The following KCNH8 variants were observed in gnomAD, a reference collection of about 807,000 sequenced individuals.
KCNH8 encodes potassium voltage-gated channel subfamily H member 8.
Under a neutral mutation model 103.6 loss-of-function variants are expected in KCNH8, and 70 were observed. The observed-to-expected ratio is 0.68, with a 90% CI of 0.56 to 0.82. KCNH8 has a LOEUF of 0.82. KCNH8 is among the 40% of genes least tolerant of loss of function. KCNH8 has a pLI of 0.00. For synonymous variants in KCNH8, 498 were observed against 489.4 expected, an observed-to-expected ratio of 1.02 and a Z score of -0.23; for missense variants, 1,217 against 1,329.9, an observed-to-expected ratio of 0.92 and a Z score of 1.32.
chr3:19,233,841 T>A (rs940389178), intron 1 of KCNH8, among the ~76,000 whole-genome samples: 1 of 152,030 alleles, frequency 6.6e-6, no homozygotes, highest in African/African-American at 2.4e-5. Flanking sequence ...GTTTGTTCCT[T>A]CTGATGTTCG....
chr3:19,182,877 A>T (rs1049674361), intron 1 of KCNH8, among the ~76,000 whole-genome samples: 1 of 152,230 alleles, frequency 6.6e-6, no homozygotes, highest in Non-Finnish European at 1.5e-5. Context: ...ATATTGAGAA[A>T]AAAATAGTTG....
chr3:19,392,953 C>G (rs140217087), intron 6 of KCNH8, among the ~76,000 whole-genome samples: 76 of 152,040 alleles, frequency 5.0e-4, no homozygotes, highest in African/African-American at 1.8e-3. Context: ...ACTGAAAATG[C>G]AACATATCTA....
chr3:19,151,225 C>T (rs2063126145), intron 1 of KCNH8, among the ~76,000 whole-genome samples: 1 of 151,882 alleles, frequency 6.6e-6, no homozygotes, highest in Admixed American at 6.6e-5. Flanking sequence ...TATGATAATC[C>T]TTACTTCTAT....
chr3:19,265,781 T>C (rs1471303378), intron 2 of KCNH8, among the ~76,000 whole-genome samples: 1 of 152,090 alleles, frequency 6.6e-6, no homozygotes, highest in Non-Finnish European at 1.5e-5. Flanking sequence ...TTACACATGC[T>C]TAAACTATAC....
intron 5 of KCNH8, among the ~76,000 whole-genome samples, chr3:19,374,032 C>T (rs935519508): frequency 2.6e-4 from 39 of 152,004 alleles, no homozygotes; most frequent in East Asian, 2.5e-3. Context: ...CTTCCAAGTA[C>T]GTGGTCAATT....
intron 1 of KCNH8, among the ~76,000 whole-genome samples, chr3:19,171,876 T>C (rs1163735295): frequency 1.3e-5 from 2 of 152,238 alleles, no homozygotes; most frequent in African/African-American, 4.8e-5. Context: ...GTTGGTTTTT[T>C]CTGCTTACTT....
At chr3:19,421,130 T>C (rs1207842748) in intron 7 of KCNH8, among the ~76,000 whole-genome samples, 1 of 152,200 alleles carries the variant, frequency 6.6e-6, no homozygotes, top group Non-Finnish European at 1.5e-5. Context: ...ACAACTACTT[T>C]TTATTCTTTA....
At chr3:19,320,648 G>A (rs1026360102) in intron 3 of KCNH8, among the ~76,000 whole-genome samples, 4 of 151,440 alleles carry the variant, frequency 2.6e-5, no homozygotes, top group African/African-American at 9.7e-5. Context: ...TTCTTTTTTT[G>A]TTATGCCCTT....
intron 7 of KCNH8, among the ~76,000 whole-genome samples, chr3:19,431,445 C>CTT (rs139524345): frequency 0.039 from 5,867 of 152,082 alleles, 282 homozygotes; most frequent in East Asian, 0.25. Flanking sequence ...TTGAAGTTTC[C>CTT]TCTTTGTTTT....
At chr3:19,189,576 C>T (rs1026878470) in intron 1 of KCNH8, among the ~76,000 whole-genome samples, 5 of 151,870 alleles carry the variant, frequency 3.3e-5, no homozygotes, top group Admixed American at 6.6e-5. Flanking sequence ...AAAAATTTCT[C>T]ATTTAATATT....
At chr3:19,473,812 T>G (rs1438747834) in intron 11 of KCNH8, among the ~76,000 whole-genome samples, 1 of 152,200 alleles carries the variant, frequency 6.6e-6, no homozygotes, top group Non-Finnish European at 1.5e-5. Flanking sequence ...ATTGAGAACA[T>G]AAGTGAAAGA....
chr3:19,405,435 A>G (rs1450029518), intron 7 of KCNH8, among the ~76,000 whole-genome samples: 2 of 151,900 alleles, frequency 1.3e-5, no homozygotes, highest in South Asian at 2.1e-4. Flanking sequence ...TAATATATAC[A>G]TACTAATAAA....
At chr3:19,327,976 A>G (rs957730018) in intron 3 of KCNH8, among the ~76,000 whole-genome samples, 3 of 152,194 alleles carry the variant, frequency 2.0e-5, no homozygotes, top group African/African-American at 4.8e-5. Flanking sequence ...AACTTAAGAG[A>G]TGCTCAATAA....
chr3:19,358,955 A>G (rs2065914712), intron 5 of KCNH8, among the ~76,000 whole-genome samples: 1 of 151,964 alleles, frequency 6.6e-6, no homozygotes, highest in Admixed American at 6.6e-5. Context: ...CTAATCCACA[A>G]GGAAAAGGAA....
At chr3:19,522,762 A>AATT (rs2068994420) in intron 15 of KCNH8, among the ~76,000 whole-genome samples, 4 of 151,778 alleles carry the variant, frequency 2.6e-5, no homozygotes, top group Non-Finnish European at 4.4e-5. Flanking sequence ...TGATGGGAAT[A>AATT]ATTATTTTCC....
At chr3:19,531,414 A>G (rs76440294) in intron 15 of KCNH8, among the ~76,000 whole-genome samples, 2,866 of 152,338 alleles carry the variant, frequency 0.019, 118 homozygotes, top group African/African-American at 0.065. Context: ...ATTTCAAAGC[A>G]TATTGAATTT....
intron 15 of KCNH8, among the ~76,000 whole-genome samples, chr3:19,522,386 T>C (rs888368107): frequency 6.6e-6 from 1 of 151,844 alleles, no homozygotes. Flanking sequence ...GCTGACTTTT[T>C]TTTTTTCAGT....
chr3:19,291,622 T>A (rs1428602673), intron 3 of KCNH8, among the ~76,000 whole-genome samples: 1 of 152,228 alleles, frequency 6.6e-6, no homozygotes, highest in Non-Finnish European at 1.5e-5. Context: ...TTTGTTATAA[T>A]TTCTGTTCTT....
chr3:19,234,762 G>A (rs918625226), intron 1 of KCNH8, among the ~76,000 whole-genome samples: 2 of 152,272 alleles, frequency 1.3e-5, no homozygotes, highest in Non-Finnish European at 2.9e-5. Flanking sequence ...GAGGCGCGGA[G>A]AGCGAGAGAG....
Sources: allele counts gnomAD v4.1 joint callset (sites outside exome capture counted in the v4.1 genomes callset), GRCh38; gene constraint gnomAD v4.1.1; transcripts MANE v1.5; gene names NCBI Gene and HGNC (gene_info 2026-07-23, HGNC 2026-07-21).